Variants in PRKCB observed in about 807,000 individuals in gnomAD.
The protein encoded by PRKCB is protein kinase C beta.
PRKCB carries 13 observed loss-of-function variants against 81.5 expected under a neutral mutation model. That is an observed-to-expected ratio of 0.16 (90% CI 0.10 to 0.25). PRKCB has a LOEUF of 0.25. Ranked by LOEUF, PRKCB falls within the 10% of genes least tolerant of loss-of-function variation. PRKCB has a pLI of 1.00. For synonymous variants in PRKCB, 335 were observed against 321.4 expected (o/e 1.04, Z -0.45); for missense variants, 509 against 875.7 (o/e 0.58, Z 5.29).
At chr16:23,932,728 C>T (rs532067140) in intron 2 of PRKCB, among the ~76,000 whole-genome samples, 2 of 152,306 alleles carry the variant, frequency 1.3e-5, no homozygotes, top group Middle Eastern at 3.4e-3. Flanking sequence ...GAAGCAGTTG[C>T]CTTGGTTCCT....
At chr16:24,077,724 T>A (rs1966198363) in intron 5 of PRKCB, among the ~76,000 whole-genome samples, 1 of 152,240 alleles carries the variant, frequency 6.6e-6, no homozygotes, top group Non-Finnish European at 1.5e-5. Flanking sequence ...AGATGTTTTC[T>A]TCTCCCTTCA....
chr16:24,086,467 G>C (rs1311111306), intron 5 of PRKCB, among the ~76,000 whole-genome samples: 1 of 152,120 alleles, frequency 6.6e-6, no homozygotes, highest in Non-Finnish European at 1.5e-5. Flanking sequence ...CTTATCCTGG[G>C]TCTGTGTGTT....
At chr16:24,060,928 C>T (rs1010157112) in intron 5 of PRKCB, among the ~76,000 whole-genome samples, 7 of 152,158 alleles carry the variant, frequency 4.6e-5, no homozygotes, top group Admixed American at 6.5e-5. Flanking sequence ...TTTCAGGGAA[C>T]CCGACTTAAG....
intron 1 of PRKCB, 109 bp downstream of exon 1, chr16:23,836,457 C>G: frequency 6.9e-7 from 1 of 1,443,330 alleles, no homozygotes; most frequent in Non-Finnish European, 9.3e-7. Flanking sequence ...ACCCTGGGAC[C>G]CCGCGTCTCC....
At chr16:23,907,726 T>C (rs764118497) in intron 2 of PRKCB, among the ~76,000 whole-genome samples, 5 of 152,054 alleles carry the variant, frequency 3.3e-5, no homozygotes, top group Admixed American at 1.3e-4. Flanking sequence ...GTGGGGTCTG[T>C]GGGGAAAGGG....
chr16:24,002,896 A>G (rs1043647587), intron 3 of PRKCB, among the ~76,000 whole-genome samples: 15 of 152,188 alleles, frequency 9.9e-5, no homozygotes, highest in African/African-American at 3.6e-4. Flanking sequence ...GACTGCTTCA[A>G]CTGGGGCTCC....
At chr16:24,066,831 A>G (rs1966041200) in intron 5 of PRKCB, among the ~76,000 whole-genome samples, 1 of 152,168 alleles carries the variant, frequency 6.6e-6, no homozygotes. Flanking sequence ...TGTATGTTTA[A>G]TTCTAAAGCT....
intron 2 of PRKCB, among the ~76,000 whole-genome samples, chr16:23,882,004 T>TTC (rs150470820): frequency 0.023 from 1,668 of 72,012 alleles, 57 homozygotes; most frequent in South Asian, 0.038. Context: ...CTTTCTTTCT[T>TTC]TCTTTCTTTC....
chr16:24,106,417 G>A (rs1052468725), intron 7 of PRKCB, among the ~76,000 whole-genome samples: 2 of 152,102 alleles, frequency 1.3e-5, no homozygotes, highest in Admixed American at 1.3e-4. Context: ...GATTCCCAGT[G>A]CCCATAACCA....
intron 9 of PRKCB, among the ~76,000 whole-genome samples, chr16:24,136,199 G>C (rs183956464): frequency 6.7e-5 from 10 of 150,206 alleles, no homozygotes; most frequent in African/African-American, 2.5e-4. Context: ...GTGACTTACT[G>C]CTCTTCCGCA....
chr16:23,904,299 C>A (rs1232287756), intron 2 of PRKCB, among the ~76,000 whole-genome samples: 1 of 152,146 alleles, frequency 6.6e-6, no homozygotes, highest in East Asian at 1.9e-4. Flanking sequence ...CACATAGGTG[C>A]AAGAGGGGTG....
At chr16:23,979,463 G>A (rs1964667318) in intron 2 of PRKCB, among the ~76,000 whole-genome samples, 1 of 152,174 alleles carries the variant, frequency 6.6e-6, no homozygotes, top group African/African-American at 2.4e-5. Flanking sequence ...GGGCTCATAG[G>A]GATGAGATAT....
chr16:24,010,567 G>T (rs1302437483), intron 3 of PRKCB, among the ~76,000 whole-genome samples: 1 of 152,138 alleles, frequency 6.6e-6, no homozygotes, highest in Admixed American at 6.5e-5. Context: ...AGCTTTAAAA[G>T]AATGCAGAAG....
intron 2 of PRKCB, among the ~76,000 whole-genome samples, chr16:23,888,423 A>G (rs1963238588): frequency 6.6e-6 from 1 of 152,222 alleles, no homozygotes; most frequent in African/African-American, 2.4e-5. Flanking sequence ...GGGCCAGGCC[A>G]CAGGAGCAGA....
At chr16:24,084,917 A>G (rs982063236) in intron 5 of PRKCB, among the ~76,000 whole-genome samples, 6 of 152,152 alleles carry the variant, frequency 3.9e-5, no homozygotes, top group Admixed American at 1.3e-4. Context: ...TGAAGCCCCT[A>G]TGTGTGACAC....
chr16:24,099,579 G>T (rs973884358), intron 7 of PRKCB: 1 of 152,194 alleles, frequency 6.6e-6, no homozygotes, highest in East Asian at 1.9e-4. Context: ...GGCCCAAAAG[G>T]CAGGATAGCT....
At position 24,092,793 on chromosome 16, in the gene PRKCB, A is replaced by G. The variant is rs1312864471; in HGVS notation, c.532A>G (p.Arg178Gly). The G allele has an allele frequency of 1.2e-6, 2 of 1,612,808 alleles. No individual in the cohort carries two copies. Among genetic ancestry groups the G allele is most frequent in the Non-Finnish European group, 1.7e-6 (2 of 1,179,454 alleles). ...AAAAACTGCTTTTTCTTTTTCAGTA[A>G]GAGATGCTAAAAACCTTGTACCTAT... ...IDRDVLIVLV[R>G]DAKNLVPMDP... Residue 178 changes from arginine to glycine, a missense_variant and splice_region_variant, in exon 6 of 17, where the codon AGA becomes GGA. Physicochemically the swap from Arg to Gly is moderately radical, Grantham distance 125. This residue lies in a region of PRKCB where 184 missense variants were observed against 362.9 expected (regional missense o/e 0.51). Transcript: ENST00000643927.
In PRKCB at chr16:24,120,115, A is replaced by G. The variant is rs185430975; in HGVS notation, c.919-3720A>G. On this transcript the variant is annotated intron_variant, in intron 8 of 16. Transcript: ENST00000643927. ...CAGGCACAAGAGTACACACTCTACA[A>G]TGCTGTTCAGATGAAATTCAAGAAC... Among the ~76,000 whole-genome samples the G allele has an allele frequency of 8.9e-4, 135 of 152,352 alleles. 1 individual carries two copies. Among genetic ancestry groups the G allele is most frequent in the African/African-American group, 3.2e-3 (131 of 41,580 alleles).
chr16:24,210,488 T>C (rs1968122549), intron 16 of PRKCB, among the ~76,000 whole-genome samples: 1 of 150,884 alleles, frequency 6.6e-6, no homozygotes, highest in Non-Finnish European at 1.5e-5. Flanking sequence ...CTCCATCCCC[T>C]GGACTTTCTT....
Sources: gnomAD v4.1 joint callset for allele counts (sites outside exome capture counted in the v4.1 genomes callset) on GRCh38, gnomAD v4.1.1 for gene constraint, gnomAD v4.1.1 regional missense constraint, MANE v1.5 for transcripts, NCBI Gene and HGNC (gene_info 2026-07-23, HGNC 2026-07-21) for gene names.